LOXHD1: variants seen among roughly 807,000 people sequenced by gnomAD.
LOXHD1 encodes the protein lipoxygenase homology domain-containing protein 1.
LOXHD1 carries 205 observed loss-of-function variants against 248.2 expected under a neutral mutation model. The observed-to-expected ratio is 0.83, with a 90% CI of 0.74 to 0.93. The LOEUF (loss-of-function observed/expected upper bound fraction) is 0.93. Among genes scored for constraint, LOXHD1 ranks in the 40% least tolerant of loss-of-function variants. The pLI is 0.00. For missense variants in LOXHD1, 2,930 were observed against 2,971.6 expected (o/e 0.99, Z 0.33); for synonymous variants, 1,113 against 1,162.8 (o/e 0.96, Z 0.87).
chr18:46,541,695 G>A lies in LOXHD1; in HGVS notation c.3913+81C>T, dbSNP rs2036565403. On this transcript the variant is annotated intron_variant, in intron 25 of 40. Transcript: ENST00000642948. ...GTGGGCCTGGCCCACAGTCAATCCTGAAGGAAGAACTGGGGCTGAGTTGGG... is the reference window on the plus strand; with the variant it reads ...GTGGGCCTGGCCCACAGTCAATCCTAAAGGAAGAACTGGGGCTGAGTTGGG... 2.7e-6 allele frequency: 4 copies of A among 1,483,970 alleles called. No individual in the cohort carries two copies. The South Asian group carries it at 4.9e-5, about 18-fold the overall frequency. 91.9% of individuals were successfully genotyped at this position (1,483,970 alleles called of 1,614,324 possible). A position where few individuals can be genotyped will look rare whatever the true frequency, so the allele number is the denominator to read the frequency against.
intron 25 of LOXHD1, among the ~76,000 whole-genome samples, chr18:46,539,342 C>T (rs1352047800): frequency 2.0e-5 from 3 of 152,062 alleles, no homozygotes; most frequent in African/African-American, 7.2e-5. Flanking sequence ...GTATCTGTAG[C>T]CCCAGCTACT....
chr18:46,613,257 C>T (rs1226221003), intron 5 of LOXHD1, among the ~76,000 whole-genome samples: 1 of 152,044 alleles, frequency 6.6e-6, no homozygotes, highest in Non-Finnish European at 1.5e-5. Context: ...TTTACATATT[C>T]TTGTATATCC....
At chr18:46,623,270 C>T (rs2038693694) in intron 4 of LOXHD1, among the ~76,000 whole-genome samples, 2 of 152,208 alleles carry the variant, frequency 1.3e-5, no homozygotes, top group African/African-American at 2.4e-5. Flanking sequence ...CTTACATAGT[C>T]GCATTTGTGC....
intron 21 of LOXHD1, 71 bp downstream of exon 21, chr18:46,557,285 G>C (rs2037381471): frequency 6.6e-7 from 1 of 1,525,254 alleles, no homozygotes; most frequent in Admixed American, 2.0e-5. Context: ...TCTTCTTCCA[G>C]GACTACCTCT....
chr18:46,514,146 C>G (rs377009820), intron 34 of LOXHD1, among the ~76,000 whole-genome samples: 29 of 152,336 alleles, frequency 1.9e-4, no homozygotes, highest in African/African-American at 6.5e-4. Context: ...AAGGTCAAAT[C>G]TTAAACAGAT....
chr18:46,571,065 T>A (rs2037742366), intron 15 of LOXHD1, among the ~76,000 whole-genome samples: 1 of 152,180 alleles, frequency 6.6e-6, no homozygotes, highest in African/African-American at 2.4e-5. Context: ...GCCACAGGCA[T>A]CTTATCTCCT....
At chr18:46,542,551 ACT>A (rs562525600) in intron 24 of LOXHD1, among the ~76,000 whole-genome samples, 174 bp downstream of exon 24, 144 of 152,260 alleles carry the variant, frequency 9.5e-4, no homozygotes, top group African/African-American at 3.3e-3. Context: ...TAGGCCAGAA[ACT>A]CTGTGTGCAG....
chr18:46,583,721 C>G (rs1050918676), intron 12 of LOXHD1, among the ~76,000 whole-genome samples: 2 of 152,086 alleles, frequency 1.3e-5, no homozygotes, highest in African/African-American at 4.8e-5. Flanking sequence ...AAAGGGAACA[C>G]TTGCACACTA....
intron 5 of LOXHD1, among the ~76,000 whole-genome samples, chr18:46,616,814 T>C (rs781046218): frequency 6.6e-6 from 1 of 152,238 alleles, no homozygotes; most frequent in African/African-American, 2.4e-5. Flanking sequence ...AGGTTGCTGA[T>C]AGGAATTTGC....
In LOXHD1 at chr18:46,479,181, G is replaced by T. The variant is rs140176178; in HGVS notation, c.6342-1229C>A. On this transcript the variant is annotated intron_variant, in intron 40 of 40. Transcript: ENST00000642948. ...GTGGAAATATGACTATTAAATGTAC[G>T]CTCCCAGATCCCTTACACTTGGCTG... Among the ~76,000 whole-genome samples, 844 of 151,640 alleles carry T rather than the reference G, an allele frequency of 5.6e-3. 8 individuals are homozygous for T. Among genetic ancestry groups the T allele is most frequent in the African/African-American group, 0.02 (807 of 41,312 alleles).
rs1283767907 is a variant in LOXHD1, at chr18:46,594,450, G to C, written c.1151C>G (p.Pro384Arg). 1 of 1,551,448 alleles carries C rather than the reference G, an allele frequency of 6.4e-7. No homozygotes were observed. Among genetic ancestry groups the C allele is most frequent in the African/African-American group, 1.4e-5 (1 of 73,110 alleles). Residue 384 changes from proline (P) to arginine (R), a missense_variant, in exon 9 of 41, where the codon CCC becomes CGC. Coordinates refer to ENST00000642948, the MANE Select transcript of LOXHD1 (RefSeq NM_001384474.1). ...GAAGGTCTGCTGGATACCAGTGAAG[G>C]GGCACAGAATCACCACCTGGGGAGA... ...WFCEKVVILC[P>R]FTGIQQTFPC...
At chr18:46,539,892 T>C (rs1225391662) in intron 25 of LOXHD1, among the ~76,000 whole-genome samples, 1 of 152,238 alleles carries the variant, frequency 6.6e-6, no homozygotes, top group African/African-American at 2.4e-5. Context: ...GGAGTCACAA[T>C]ACAAGCTTCC....
intron 31 of LOXHD1, among the ~76,000 whole-genome samples, chr18:46,524,136 T>C (rs2035712219): frequency 6.6e-6 from 1 of 152,200 alleles, no homozygotes; most frequent in African/African-American, 2.4e-5. Context: ...TCAGGACTTC[T>C]TCCCCTGCCT....
chr18:46,512,965 T>A (rs2035053620), intron 34 of LOXHD1, among the ~76,000 whole-genome samples: 1 of 152,198 alleles, frequency 6.6e-6, no homozygotes, highest in African/African-American at 2.4e-5. Flanking sequence ...CTGATTCTAT[T>A]TAGGTACCAT....
intron 5 of LOXHD1, among the ~76,000 whole-genome samples, chr18:46,616,272 T>C (rs2038585687): frequency 6.6e-6 from 1 of 152,142 alleles, no homozygotes; most frequent in African/African-American, 2.4e-5. Flanking sequence ...CTTCCTTTGG[T>C]TTTCAAATTA....
At chr18:46,540,122 C>T (rs935979613) in intron 25 of LOXHD1, among the ~76,000 whole-genome samples, 5 of 152,204 alleles carry the variant, frequency 3.3e-5, no homozygotes, top group Non-Finnish European at 5.9e-5. Flanking sequence ...GGTATTATTA[C>T]ACTCCATTTT....
At chr18:46,506,168 G>A in intron 36 of LOXHD1, 145 bp from the exon 37 acceptor site, 1 of 780,594 alleles carries the variant, frequency 1.3e-6, no homozygotes. Context: ...GGTGAGGTTG[G>A]AAAGGGTCAA....
chr18:46,589,008 G>A (rs988087432), intron 12 of LOXHD1, among the ~76,000 whole-genome samples: 4 of 152,218 alleles, frequency 2.6e-5, no homozygotes, highest in African/African-American at 9.7e-5. Flanking sequence ...AAGTGGCAGG[G>A]AAGGGCTGGC....
At chr18:46,567,379 A>G (rs540810621) in intron 16 of LOXHD1, among the ~76,000 whole-genome samples, 4 of 152,376 alleles carry the variant, frequency 2.6e-5, no homozygotes, top group South Asian at 4.1e-4. Flanking sequence ...TGCAGCTGGT[A>G]ATGGCAACAA....
Sources: gnomAD v4.1 joint callset for allele counts (sites outside exome capture counted in the v4.1 genomes callset) on GRCh38, gnomAD v4.1.1 for gene constraint, MANE v1.5 for transcripts, NCBI Gene and HGNC (gene_info 2026-07-23, HGNC 2026-07-21) for gene names.